The following GNAT3 variants were observed in gnomAD, a reference collection of about 807,000 sequenced individuals.
GNAT3 encodes the protein guanine nucleotide-binding protein G(t) subunit alpha-3.
A neutral mutation model predicts 37.7 loss-of-function variants in GNAT3; 31 were observed. The observed-to-expected ratio is 0.82, with a 90% CI of 0.62 to 1.11. The LOEUF is 1.11. Among genes scored for constraint, GNAT3 ranks in the 50% most tolerant of loss-of-function variants. The pLI is 0.00. For missense variants in GNAT3, 437 were observed against 412.5 expected, an observed-to-expected ratio of 1.06 and a Z score of -0.51; for synonymous variants, 138 against 139.8, an observed-to-expected ratio of 0.99 and a Z score of 0.09.
chr7:80,498,419 C>T (rs1790773214), intron 1 of GNAT3, among the ~76,000 whole-genome samples: 1 of 152,080 alleles, frequency 6.6e-6, no homozygotes, highest in South Asian at 2.1e-4. Flanking sequence ...TCTGTACCAT[C>T]CTTGCTTTAT....
At chr7:80,460,493 C>T (rs545875505) in intron 7 of GNAT3, among the ~76,000 whole-genome samples, 1 of 152,284 alleles carries the variant, frequency 6.6e-6, no homozygotes, top group South Asian at 2.1e-4. Flanking sequence ...TGGCTCATGC[C>T]TGTAATCCTA....
intron 1 of GNAT3, among the ~76,000 whole-genome samples, chr7:80,502,734 C>T (rs1438274472): frequency 6.6e-6 from 1 of 151,776 alleles, no homozygotes; most frequent in Non-Finnish European, 1.5e-5. Context: ...GTTTGAATAT[C>T]CTAAATTATC....
intron 4 of GNAT3, among the ~76,000 whole-genome samples, chr7:80,476,550 A>G (rs1240461797): frequency 6.6e-6 from 1 of 151,058 alleles, no homozygotes; most frequent in Non-Finnish European, 1.5e-5. Context: ...GTTGCCAACT[A>G]TGGCATTCCT....
intron 3 of GNAT3, among the ~76,000 whole-genome samples, chr7:80,484,164 A>C (rs573646845): frequency 6.6e-6 from 1 of 152,120 alleles, no homozygotes; most frequent in South Asian, 2.1e-4. Context: ...ATTACTCAGA[A>C]CTTCATCGTT....
rs1367099268 is a variant in GNAT3 at position 80,462,143 on chromosome 7, A to G, written c.874+16T>C. 3.3e-6 allele frequency: 5 copies of G among 1,505,294 alleles called. No homozygotes were observed. The South Asian group carries it at 6.4e-5, about 19-fold the overall frequency. The allele number at this position is 1,505,294 out of a possible 1,614,324, so 93.2% of individuals were successfully genotyped here. ...CAAAAATTTATTTCTATGGAACTAA[A>G]AGAAAAAAATCTTACCAGTGTATTC... is the stretch of plus-strand genomic sequence containing the variant. On this transcript the variant is annotated intron_variant, in intron 7 of 7. Transcript: ENST00000398291.
intron 1 of GNAT3, among the ~76,000 whole-genome samples, chr7:80,505,417 A>C (rs1379729578): frequency 6.6e-6 from 1 of 152,140 alleles, no homozygotes; most frequent in East Asian, 1.9e-4. Flanking sequence ...CCCAGGCTGG[A>C]GTGCAGTGGC....
At chr7:80,481,960 C>A (rs1239524325) in intron 3 of GNAT3, among the ~76,000 whole-genome samples, 8 of 152,188 alleles carry the variant, frequency 5.3e-5, no homozygotes, top group African/African-American at 1.9e-4. Context: ...AATTGTCCTG[C>A]CTTTCTGGAC....
chr7:80,489,287 A>G (rs1790547894), intron 2 of GNAT3, among the ~76,000 whole-genome samples: 1 of 152,152 alleles, frequency 6.6e-6, no homozygotes, highest in Non-Finnish European at 1.5e-5. Context: ...CCACTCATTC[A>G]GCCAAACTCA....
intron 3 of GNAT3, among the ~76,000 whole-genome samples, chr7:80,479,781 A>C (rs922143424): frequency 1.3e-5 from 2 of 151,562 alleles, no homozygotes; most frequent in African/African-American, 4.8e-5. Context: ...GTATTGTTTC[A>C]AAAAATTAAT....
chr7:80,498,087 A>G (rs972107250), intron 1 of GNAT3, among the ~76,000 whole-genome samples: 10 of 152,112 alleles, frequency 6.6e-5, no homozygotes, highest in Non-Finnish European at 1.3e-4. Context: ...TATGTTATTG[A>G]CTAGTTGAAA....
At chr7:80,498,753 G>A (rs990385390) in intron 1 of GNAT3, among the ~76,000 whole-genome samples, 1 of 151,762 alleles carries the variant, frequency 6.6e-6, no homozygotes, top group Admixed American at 6.6e-5. Context: ...TTAGTTTCTG[G>A]GTCAAGGGGT....
intron 5 of GNAT3, among the ~76,000 whole-genome samples, chr7:80,472,460 T>C (rs1790236896): frequency 6.6e-6 from 1 of 152,152 alleles, no homozygotes. Context: ...GCATTTGATT[T>C]TGGAACTTAA....
chr7:80,468,744 A>G (rs896121055), intron 5 of GNAT3, among the ~76,000 whole-genome samples: 7 of 151,288 alleles, frequency 4.6e-5, no homozygotes, highest in Middle Eastern at 3.4e-3. Flanking sequence ...CTCACAATTA[A>G]AAAACAGAAT....
chr7:80,474,844 C>A (rs73369009), intron 4 of GNAT3, among the ~76,000 whole-genome samples: 1 of 152,092 alleles, frequency 6.6e-6, no homozygotes. Flanking sequence ...AGATTATCCT[C>A]GAAATTCTGT....
chr7:80,504,575 AAAG>A (rs1437373777), intron 1 of GNAT3, among the ~76,000 whole-genome samples: 1 of 152,228 alleles, frequency 6.6e-6, no homozygotes, highest in Non-Finnish European at 1.5e-5. Flanking sequence ...TTCTTGGGCT[AAAG>A]AAGAGAAACA....
chr7:80,494,568 A>G (rs1790678478), intron 2 of GNAT3, 37 bp downstream of exon 2: 2 of 1,129,960 alleles, frequency 1.8e-6, no homozygotes, highest in African/African-American at 1.5e-5. Context: ...ATGGACAGAC[A>G]TCAAATATTA....
rs1790752350 is a variant in GNAT3 at position 80,497,621 on chromosome 7, CGTATATACA to C, written c.119-2983_119-2975del. 2.6e-5 allele frequency among the ~76,000 whole-genome samples: 3 copies of C among 114,686 alleles called. 1 individual carries two copies. Among genetic ancestry groups the C allele is most frequent in the Non-Finnish European group, 5.1e-5 (3 of 58,262 alleles). 75.2% of individuals were successfully genotyped at this position (114,686 alleles called of 152,430 possible). A position where few individuals can be genotyped will look rare whatever the true frequency, so the allele number is the denominator to read the frequency against. On this transcript the variant is annotated intron_variant, in intron 1 of 7. Transcript: ENST00000398291. ...ATATACATATACGTATATACATATA[CGTATATACA>C]TATACGTATATACATATACGTATAT...
chr7:80,473,739 T>C (rs1790256284), intron 5 of GNAT3, among the ~76,000 whole-genome samples: 1 of 152,170 alleles, frequency 6.6e-6, no homozygotes, highest in Admixed American at 6.6e-5. Context: ...ATGAAAATAA[T>C]GATTCATTTT....
intron 5 of GNAT3, among the ~76,000 whole-genome samples, chr7:80,469,374 T>C (rs1411117866): frequency 6.6e-6 from 1 of 152,184 alleles, no homozygotes; most frequent in East Asian, 1.9e-4. Context: ...GCTAAATCCC[T>C]GTAAATACAT....
Sources: gnomAD v4.1 joint callset for allele counts (sites outside exome capture counted in the v4.1 genomes callset) on GRCh38, gnomAD v4.1.1 for gene constraint, MANE v1.5 for transcripts, NCBI Gene and HGNC (gene_info 2026-07-23, HGNC 2026-07-21) for gene names.